MYO1D: variants seen among roughly 807,000 people sequenced by gnomAD.
MYO1D encodes unconventional myosin-Id.
MYO1D carries 83 observed loss-of-function variants against 122.0 expected under a neutral mutation model. That is an observed-to-expected ratio of 0.68 (90% CI 0.57 to 0.82). MYO1D has a LOEUF of 0.82. Ranked by LOEUF, MYO1D falls within the 40% of genes least tolerant of loss-of-function variation. The pLI, the probability that MYO1D is intolerant of heterozygous loss-of-function variation, is 0.00. For synonymous variants in MYO1D, 464 were observed against 446.9 expected, an observed-to-expected ratio of 1.04 and a Z score of -0.48; for missense variants, 1,157 against 1,269.5, an observed-to-expected ratio of 0.91 and a Z score of 1.35.
intron 21 of MYO1D, among the ~76,000 whole-genome samples, chr17:32,553,088 A>C (rs898926335): frequency 6.7e-5 from 9 of 134,422 alleles, no homozygotes; most frequent in South Asian, 2.2e-4. Flanking sequence ...AAAAAAAAAA[A>C]AACAAAAAAC....
At chr17:32,860,764 A>T (rs2091065394) in intron 1 of MYO1D, among the ~76,000 whole-genome samples, 1 of 152,226 alleles carries the variant, frequency 6.6e-6, no homozygotes. Flanking sequence ...ACTAGTAAAA[A>T]GTCCTGACTT....
chr17:32,730,904 CTTTTT>C (rs754771399), intron 14 of MYO1D, among the ~76,000 whole-genome samples: 1 of 108,782 alleles, frequency 9.2e-6, no homozygotes, highest in African/African-American at 3.5e-5. Flanking sequence ...TTCCACGTGT[CTTTTT>C]TTTTTTTTTT....
rs570049627 is a variant in MYO1D at position 32,867,072 on chromosome 17, G to C, written c.95+9706C>G. ...CCTTCTCTGTAGGAAGCCCTTAAAA[G>C]AATGGATTGTCTTGGGAGGCCAAGG... On this transcript the variant is annotated intron_variant, in intron 1 of 21. Coordinates refer to ENST00000318217, the MANE Select transcript of MYO1D (RefSeq NM_015194.3). Among the ~76,000 whole-genome samples the C allele has an allele frequency of 4.9e-4, 74 of 152,144 alleles. 1 individual carries two copies. In the Middle Eastern group the frequency reaches 0.014, roughly 28 times the overall value.
chr17:32,789,891 T>A (rs1258939121), intron 1 of MYO1D, among the ~76,000 whole-genome samples: 1 of 152,202 alleles, frequency 6.6e-6, no homozygotes, highest in East Asian at 1.9e-4. Flanking sequence ...CTTCTAGTTT[T>A]CTGAACTGTG....
chr17:32,693,005 G>A (rs1018140500), intron 16 of MYO1D, among the ~76,000 whole-genome samples: 3 of 152,268 alleles, frequency 2.0e-5, no homozygotes, highest in South Asian at 4.1e-4. Context: ...TTGGCTGTGC[G>A]CATCTTCAGC....
intron 1 of MYO1D, among the ~76,000 whole-genome samples, chr17:32,796,680 T>TG (rs2090419983): frequency 6.6e-6 from 1 of 152,122 alleles, no homozygotes; most frequent in Non-Finnish European, 1.5e-5. Flanking sequence ...TTCCAAAGTG[T>TG]TGGGATTACA....
chr17:32,683,520 C>G (rs2088955256), intron 16 of MYO1D, among the ~76,000 whole-genome samples: 1 of 152,034 alleles, frequency 6.6e-6, no homozygotes, highest in Admixed American at 6.6e-5. Context: ...TGTGAGGTGT[C>G]AGTGTGCCCC....
chr17:32,870,383 C>A (rs2091167796), intron 1 of MYO1D, among the ~76,000 whole-genome samples: 9 of 152,032 alleles, frequency 5.9e-5, no homozygotes, highest in Admixed American at 5.9e-4. Flanking sequence ...GAAGACCACC[C>A]AGGGTATCTA....
chr17:32,833,197 T>C (rs1393841247), intron 1 of MYO1D, among the ~76,000 whole-genome samples: 2 of 152,224 alleles, frequency 1.3e-5, no homozygotes, highest in African/African-American at 2.4e-5. Context: ...CTGCTCGCTA[T>C]ACCCCATGTC....
At chr17:32,605,912 C>T (rs998133212) in intron 20 of MYO1D, among the ~76,000 whole-genome samples, 1 of 151,646 alleles carries the variant, frequency 6.6e-6, no homozygotes, top group Non-Finnish European at 1.5e-5. Flanking sequence ...GAAACCCCAT[C>T]TCTACTGAAA....
intron 8 of MYO1D, among the ~76,000 whole-genome samples, chr17:32,762,205 G>A (rs1367596999): frequency 6.6e-6 from 1 of 151,936 alleles, no homozygotes; most frequent in Non-Finnish European, 1.5e-5. Context: ...ATGTGCACAG[G>A]CCCTGTGACT....
At chr17:32,854,516 A>G (rs1256798928) in intron 1 of MYO1D, among the ~76,000 whole-genome samples, 1 of 152,274 alleles carries the variant, frequency 6.6e-6, no homozygotes, top group African/African-American at 2.4e-5. Flanking sequence ...AATGGCAAAC[A>G]ACAAATAAGA....
At chr17:32,618,006 G>A (rs1006109218) in intron 20 of MYO1D, among the ~76,000 whole-genome samples, 4 of 152,166 alleles carry the variant, frequency 2.6e-5, no homozygotes, top group Non-Finnish European at 5.9e-5. Context: ...TTGTTATGGT[G>A]AATGTTAATT....
At chr17:32,705,300 C>T (rs2089292590) in intron 16 of MYO1D, among the ~76,000 whole-genome samples, 1 of 152,106 alleles carries the variant, frequency 6.6e-6, no homozygotes, top group South Asian at 2.1e-4. Flanking sequence ...CACTCTGTCC[C>T]CCAGGCTGGA....
intron 21 of MYO1D, chr17:32,594,505 G>T (rs2087471867): frequency 1.7e-6 from 1 of 571,666 alleles, no homozygotes; most frequent in African/African-American, 1.9e-5. Context: ...ATGTAATCTT[G>T]GGCCTGTTTA....
chr17:32,713,442 A>T (rs2089404387), intron 15 of MYO1D, among the ~76,000 whole-genome samples: 1 of 152,176 alleles, frequency 6.6e-6, no homozygotes, highest in Admixed American at 6.5e-5. Flanking sequence ...ATACAAGTAC[A>T]TTTTAATGTT....
At chr17:32,629,498 G>T (rs112536259) in intron 20 of MYO1D, among the ~76,000 whole-genome samples, 2,453 of 152,242 alleles carry the variant, frequency 0.016, 52 homozygotes, top group African/African-American at 0.056. Flanking sequence ...ACTTTGGGAG[G>T]CCAAGGCAGG....
intron 20 of MYO1D, among the ~76,000 whole-genome samples, chr17:32,611,111 T>G (rs1483830790): frequency 6.6e-6 from 1 of 152,094 alleles, no homozygotes; most frequent in Non-Finnish European, 1.5e-5. Flanking sequence ...GCTGAGCAGT[T>G]CTGGAAGAGG....
chr17:32,525,640 A>G (rs964575481), intron 21 of MYO1D, among the ~76,000 whole-genome samples: 1 of 152,136 alleles, frequency 6.6e-6, no homozygotes, highest in Non-Finnish European at 1.5e-5. Context: ...ATTTATTTCA[A>G]CTTTCAGGAC....
Sources: allele counts gnomAD v4.1 joint callset (sites outside exome capture counted in the v4.1 genomes callset), GRCh38; gene constraint gnomAD v4.1.1; transcripts MANE v1.5; gene names NCBI Gene and HGNC (gene_info 2026-07-23, HGNC 2026-07-21).